ANK2: variants seen among roughly 807,000 people sequenced by gnomAD.
The protein encoded by ANK2 is ankyrin-2.
ANK2 carries 83 observed loss-of-function variants against 360.5 expected under a neutral mutation model. The observed-to-expected ratio is 0.23, with a 90% CI of 0.19 to 0.28. The LOEUF (loss-of-function observed/expected upper bound fraction) is 0.28, where lower values mean the gene tolerates loss of function less well. Among genes scored for constraint, ANK2 ranks in the 10% least tolerant of loss-of-function variants. The pLI is 1.00. For synonymous variants in ANK2, 1,740 were observed against 1,759.5 expected, an observed-to-expected ratio of 0.99 and a Z score of 0.28; for missense variants, 4,201 against 4,795.7, an observed-to-expected ratio of 0.88 and a Z score of 3.66.
intron 1 of ANK2, among the ~76,000 whole-genome samples, chr4:112,902,083 C>G (rs982505912): frequency 2.6e-5 from 4 of 152,050 alleles, no homozygotes; most frequent in Non-Finnish European, 4.4e-5. Flanking sequence ...TTAAATTGCT[C>G]TTGAGTTTCC....
At chr4:112,724,161 T>C in the ANK2 span, among the ~76,000 whole-genome samples, 1 of 148,598 alleles carries the variant, frequency 6.7e-6, no homozygotes, top group East Asian at 2.0e-4. Context: ...GCCTCCCGGG[T>C]TCAAGTGAGT....
Position 113,354,643 on chromosome 4 carries a change from G to A in ANK2, c.6025G>A (p.Gly2009Arg), listed in dbSNP as rs779717396. 1 of 1,614,082 alleles carries A rather than the reference G, an allele frequency of 6.2e-7. No homozygotes were observed. Among genetic ancestry groups the A allele is most frequent in the Non-Finnish European group, 8.5e-7 (1 of 1,179,986 alleles). Residue 2009 changes from glycine (G) to arginine (R), a missense_variant, in exon 38 of 46, where the codon GGA becomes AGA. Physicochemically the swap from Gly to Arg is moderately radical, Grantham distance 125. This residue lies in a region of ANK2 where 2,642 missense variants were observed against 2,714.5 expected (regional missense o/e 0.97). Coordinates refer to ENST00000357077, the MANE Select transcript of ANK2 (RefSeq NM_001148.6). ...TCAGGACCCTTCTAAACATAAAACT[G>A]GACTCTTTGAGCACAAATCAGCAAA... ...SGQDPSKHKTGLFEHKSAKQK... is the reference protein window; with the variant it reads ...SGQDPSKHKTRLFEHKSAKQK...
chr4:113,293,426 C>A lies in ANK2; in HGVS notation c.2377-14C>A. On this transcript the variant is annotated splice_polypyrimidine_tract_variant and intron_variant, in intron 21 of 45. Transcript: ENST00000357077. ...CTCTTATTTCTCACTCTCTCTCTTT[C>A]ACTCTCTCTTCAGAATGGCAACACT... 6.2e-7 allele frequency: 1 copy of A among 1,607,934 alleles called. No homozygotes were observed. Among genetic ancestry groups the A allele is most frequent in the East Asian group, 2.2e-5 (1 of 44,840 alleles).
rs1471033941 is a variant in ANK2, at chr4:112,896,688, T to TGTG, written c.-39-7765_-39-7763dup. Among the ~76,000 whole-genome samples the TGTG allele has an allele frequency of 2.0e-5, 3 of 152,338 alleles. No homozygotes were observed. In the East Asian group the frequency reaches 5.8e-4, roughly 29 times the overall value. The stretch of plus-strand genomic sequence containing the variant: ...TTTGGTCAAGTTTTTACTGCTGCTA[T>TGTG]GTGGCTGGTTTGGATAAACACTGTA... On this transcript the variant is annotated intron_variant, in intron 1 of 30. Transcript: ENST00000503271.
rs2153942002 is a variant in ANK2 at position 113,333,050 on chromosome 4, T to A, written c.3225-4T>A. Reference sequence around the variant, plus strand: ...ACACTGAATGTTCTGCATTGCTATGTCAGGCCTGTGATCGTGGAGATCCCT... The same window carrying A: ...ACACTGAATGTTCTGCATTGCTATGACAGGCCTGTGATCGTGGAGATCCCT... On this transcript the variant is annotated splice_region_variant and splice_polypyrimidine_tract_variant and intron_variant, in intron 28 of 45. Transcript: ENST00000357077. 1.2e-6 allele frequency: 2 copies of A among 1,614,166 alleles called. No individual in the cohort carries two copies.
chr4:113,374,956 C>T (rs1472118938), intron 45 of ANK2: 2 of 1,111,198 alleles, frequency 1.8e-6, no homozygotes, highest in East Asian at 6.9e-5. Flanking sequence ...GGTATAGAAG[C>T]ATCATCATTT....
chr4:113,163,974 T>C (rs1377210369), intron 1 of ANK2, among the ~76,000 whole-genome samples: 1 of 152,120 alleles, frequency 6.6e-6, no homozygotes, highest in Non-Finnish European at 1.5e-5. Context: ...TCCATTTCTC[T>C]ACCCCCTCCC....
chr4:112,991,837 C>T (rs1357578787), intron 2 of ANK2, among the ~76,000 whole-genome samples: 5 of 150,588 alleles, frequency 3.3e-5, no homozygotes, highest in African/African-American at 7.4e-5. Context: ...CACTAGAACA[C>T]AGTTCAGCCA....
chr4:113,077,196 T>C (rs1458303168), intron 1 of ANK2, among the ~76,000 whole-genome samples: 1 of 152,102 alleles, frequency 6.6e-6, no homozygotes, highest in East Asian at 1.9e-4. Context: ...AATTAATATT[T>C]TTCAAAATAT....
the ANK2 span, among the ~76,000 whole-genome samples, chr4:112,792,170 T>TAGCTGG: frequency 6.6e-6 from 1 of 151,032 alleles, no homozygotes; most frequent in Non-Finnish European, 1.5e-5. Flanking sequence ...GCCTCCCGAG[T>TAGCTGG]AGCTGGGATT....
intron 1 of ANK2, among the ~76,000 whole-genome samples, chr4:113,065,866 G>T (rs577362972): frequency 6.6e-6 from 1 of 152,214 alleles, no homozygotes; most frequent in East Asian, 1.9e-4. Flanking sequence ...AGAACTTGTC[G>T]TACCGGTGCT....
rs759688704 is a variant in ANK2, at chr4:113,357,338, A to G, written c.8720A>G (p.Asp2907Gly). 1 of 1,613,936 alleles carries G rather than the reference A, an allele frequency of 6.2e-7. No homozygotes were observed. The highest frequency in any genetic ancestry group is 1.3e-5 in the African/African-American group (1 of 74,918). Residue 2907 changes from aspartate to glycine, a missense_variant, in exon 38 of 46, where the codon GAT becomes GGT. Physicochemically the swap from Asp to Gly is moderately conservative, Grantham distance 94. Coordinates refer to ENST00000357077, the MANE Select transcript of ANK2 (RefSeq NM_001148.6). Reference sequence around the variant, plus strand: ...ACTCAAACAGATAGATTTTCCATGGATGTTCCCGTGTCTGACCTAGCTGAG... The same window carrying G: ...ACTCAAACAGATAGATTTTCCATGGGTGTTCCCGTGTCTGACCTAGCTGAG... ...ITTQTDRFSMDVPVSDLAEND... is the reference protein window; with the variant it reads ...ITTQTDRFSMGVPVSDLAEND...
intron 2 of ANK2, among the ~76,000 whole-genome samples, chr4:113,039,775 C>T (rs979109851): frequency 2.6e-5 from 4 of 151,914 alleles, no homozygotes; most frequent in Admixed American, 6.6e-5. Context: ...GAGCTGGATA[C>T]AATGGTTTCT....
chr4:113,333,298 A>T, intron 29 of ANK2, 90 bp downstream of exon 29: 1 of 1,162,018 alleles, frequency 8.6e-7, no homozygotes, highest in Non-Finnish European at 1.2e-6. Context: ...GTGTGTGTAT[A>T]TGTGTGTGTG....
At chr4:113,016,292 T>G (rs1167239686) in intron 2 of ANK2, among the ~76,000 whole-genome samples, 1 of 152,206 alleles carries the variant, frequency 6.6e-6, no homozygotes, top group East Asian at 1.9e-4. Context: ...TCATCTAATA[T>G]GTGGCCCATA....
At chr4:112,843,380 C>G (rs1157089664) in intron 1 of ANK2, among the ~76,000 whole-genome samples, 2 of 152,200 alleles carry the variant, frequency 1.3e-5, no homozygotes, top group African/African-American at 2.4e-5. Flanking sequence ...TTTGATTTAT[C>G]TGAGAACTCT....
chr4:112,711,257 C>T, the ANK2 span, among the ~76,000 whole-genome samples: 3 of 151,510 alleles, frequency 2.0e-5, no homozygotes, highest in African/African-American at 4.9e-5. Context: ...CAGTGGGGTG[C>T]AGTGGTTATT....
chr4:113,240,204 C>T (rs1053315308), intron 7 of ANK2, among the ~76,000 whole-genome samples: 1 of 152,026 alleles, frequency 6.6e-6, no homozygotes, highest in Non-Finnish European at 1.5e-5. Context: ...ACTTAAGAAA[C>T]ATTGTTTTGT....
the ANK2 span, among the ~76,000 whole-genome samples, chr4:112,713,359 C>T: frequency 6.6e-6 from 1 of 152,252 alleles, no homozygotes; most frequent in Admixed American, 6.5e-5. Flanking sequence ...CACCGGAGGT[C>T]GGGCATTCGA....
Sources: gnomAD v4.1 joint callset for allele counts (sites outside exome capture counted in the v4.1 genomes callset) on GRCh38, gnomAD v4.1.1 for gene constraint, gnomAD v4.1.1 regional missense constraint, MANE v1.5 for transcripts, NCBI Gene and HGNC (gene_info 2026-07-23, HGNC 2026-07-21) for gene names.